The following CNTNAP2 variants were observed in gnomAD, a reference collection of about 807,000 sequenced individuals.
CNTNAP2 encodes contactin-associated protein-like 2.
Under a neutral mutation model 155.2 loss-of-function variants are expected in CNTNAP2, and 98 were observed. That is an observed-to-expected ratio of 0.63 (90% CI 0.54 to 0.75). The LOEUF is 0.75. CNTNAP2 is among the 30% of genes least tolerant of loss of function. CNTNAP2 has a pLI of 0.00. For missense variants in CNTNAP2, 1,727 were observed against 1,688.1 expected, an observed-to-expected ratio of 1.02 and a Z score of -0.40; for synonymous variants, 651 against 631.2, an observed-to-expected ratio of 1.03 and a Z score of -0.47.
At chr7:147,176,908 T>G (rs1019608823) in intron 8 of CNTNAP2, among the ~76,000 whole-genome samples, 1 of 132,338 alleles carries the variant, frequency 7.6e-6, no homozygotes, top group African/African-American at 2.9e-5. Flanking sequence ...ATAATTATAA[T>G]ATATAATTTT....
chr7:146,248,940 C>T (rs965337530), intron 1 of CNTNAP2, among the ~76,000 whole-genome samples: 1 of 151,918 alleles, frequency 6.6e-6, no homozygotes, highest in Admixed American at 6.6e-5. Context: ...GGGGTGGGGC[C>T]GTTTTACAGG....
chr7:147,101,178 G>T (rs1800645030), intron 4 of CNTNAP2, among the ~76,000 whole-genome samples: 1 of 152,196 alleles, frequency 6.6e-6, no homozygotes, highest in Non-Finnish European at 1.5e-5. Context: ...GGACGGGAAG[G>T]CAGGAGCTAT....
At chr7:146,661,779 A>G (rs1800094390) in intron 1 of CNTNAP2, among the ~76,000 whole-genome samples, 2 of 146,502 alleles carry the variant, frequency 1.4e-5, no homozygotes, top group African/African-American at 5.1e-5. Context: ...TGTACAGATC[A>G]TTGTGTAGGC....
At chr7:146,579,899 C>T (rs986281787) in intron 1 of CNTNAP2, among the ~76,000 whole-genome samples, 4 of 152,074 alleles carry the variant, frequency 2.6e-5, no homozygotes, top group Non-Finnish European at 5.9e-5. Context: ...TTTTAACCCA[C>T]GTTCTCTTAA....
At chr7:147,434,573 T>C (rs1797520024) in intron 10 of CNTNAP2, among the ~76,000 whole-genome samples, 1 of 152,220 alleles carries the variant, frequency 6.6e-6, no homozygotes, top group South Asian at 2.1e-4. Flanking sequence ...ATTAATTGTA[T>C]ATGGACTTTA....
At chr7:148,276,381 A>G (rs548593539) in intron 21 of CNTNAP2, among the ~76,000 whole-genome samples, 1 of 152,316 alleles carries the variant, frequency 6.6e-6, no homozygotes, top group East Asian at 1.9e-4. Flanking sequence ...GACACTCTGG[A>G]AGACAGTGCG....
At chr7:147,824,483 C>T (rs1432045678) in intron 13 of CNTNAP2, among the ~76,000 whole-genome samples, 2 of 152,196 alleles carry the variant, frequency 1.3e-5, no homozygotes, top group East Asian at 1.9e-4. Context: ...AACAGCCCTG[C>T]TTACCAAACA....
chr7:147,802,742 G>A (rs137869053), intron 13 of CNTNAP2, among the ~76,000 whole-genome samples: 25,820 of 146,892 alleles, frequency 0.18, 2,390 homozygotes, highest in Middle Eastern at 0.27. Flanking sequence ...TCCAGCTTCC[G>A]CTCGGCATCA....
At chr7:146,199,014 T>C (rs1351907321) in intron 1 of CNTNAP2, among the ~76,000 whole-genome samples, 1 of 152,226 alleles carries the variant, frequency 6.6e-6, no homozygotes, top group Non-Finnish European at 1.5e-5. Flanking sequence ...ATCTTCTTTG[T>C]ATCTACATTT....
At chr7:146,520,380 C>T (rs1243977150) in intron 1 of CNTNAP2, among the ~76,000 whole-genome samples, 1 of 148,454 alleles carries the variant, frequency 6.7e-6, no homozygotes, top group African/African-American at 2.5e-5. Context: ...AAGATATACA[C>T]CTCTGAAGAG....
chr7:148,362,525 C>T (rs982571056), intron 21 of CNTNAP2, among the ~76,000 whole-genome samples: 5 of 152,102 alleles, frequency 3.3e-5, no homozygotes, highest in Admixed American at 6.6e-5. Context: ...ACCCTTGTGG[C>T]GCTGAGGTGC....
chr7:148,024,528 C>A (rs1802344381), intron 15 of CNTNAP2, among the ~76,000 whole-genome samples: 1 of 152,132 alleles, frequency 6.6e-6, no homozygotes, highest in South Asian at 2.1e-4. Context: ...CTAGGAAACC[C>A]AGCTTTGTTC....
intron 6 of CNTNAP2, 28 bp from the exon 7 acceptor site, chr7:147,128,665 G>T (rs115730262): frequency 6.2e-7 from 1 of 1,613,210 alleles, no homozygotes; most frequent in African/African-American, 1.3e-5. Flanking sequence ...CAATGTGGAC[G>T]TTTACATTTA....
intron 8 of CNTNAP2, among the ~76,000 whole-genome samples, chr7:147,238,081 C>T (rs1014963606): frequency 2.6e-5 from 4 of 152,200 alleles, no homozygotes; most frequent in Non-Finnish European, 5.9e-5. Flanking sequence ...GTGGCGCGAT[C>T]TCGGCTCACT....
intron 3 of CNTNAP2, among the ~76,000 whole-genome samples, chr7:147,034,399 G>A (rs1799106504): frequency 6.6e-6 from 1 of 152,134 alleles, no homozygotes. Context: ...CATAGGGAGA[G>A]CGTGCAGATG....
chr7:146,812,175 G>A (rs953040914), intron 2 of CNTNAP2, among the ~76,000 whole-genome samples: 3 of 152,000 alleles, frequency 2.0e-5, no homozygotes, highest in Non-Finnish European at 4.4e-5. Flanking sequence ...GGAAAATGTG[G>A]GAAAGCTCAG....
chr7:147,362,689 C>T (rs1563175544), intron 9 of CNTNAP2, among the ~76,000 whole-genome samples: 1 of 151,822 alleles, frequency 6.6e-6, no homozygotes, highest in African/African-American at 2.4e-5. Flanking sequence ...TTATGGAGTG[C>T]ATATCTGTGT....
intron 21 of CNTNAP2, among the ~76,000 whole-genome samples, chr7:148,347,123 G>A (rs944543754): frequency 6.6e-6 from 1 of 152,106 alleles, no homozygotes; most frequent in South Asian, 2.1e-4. Flanking sequence ...CAGGCATGGT[G>A]GTGGGTGCCT....
At chr7:146,627,521 A>G (rs1343282876) in intron 1 of CNTNAP2, among the ~76,000 whole-genome samples, 1 of 152,156 alleles carries the variant, frequency 6.6e-6, no homozygotes, top group Non-Finnish European at 1.5e-5. Context: ...AAATGTAATA[A>G]TTACCTCCTT....
Sources: allele counts gnomAD v4.1 joint callset (sites outside exome capture counted in the v4.1 genomes callset), GRCh38; gene constraint gnomAD v4.1.1; transcripts MANE v1.5; gene names NCBI Gene and HGNC (gene_info 2026-07-23, HGNC 2026-07-21).